The following BRSK2 variants were observed in gnomAD, a reference collection of about 807,000 sequenced individuals.
BRSK2 encodes serine/threonine-protein kinase BRSK2.
In BRSK2, 19 loss-of-function variants were observed where a neutral mutation model predicts 83.3. The observed-to-expected ratio is 0.23, with a 90% CI of 0.16 to 0.33. The LOEUF (loss-of-function observed/expected upper bound fraction) is 0.33, where lower values mean the gene tolerates loss of function less well. Among genes scored for constraint, BRSK2 ranks in the 10% least tolerant of loss-of-function variants. The probability of loss-of-function intolerance (pLI) is 1.00; values close to 1 mark genes in which losing one functional copy is unlikely to be tolerated. For synonymous variants in BRSK2, 519 were observed against 435.4 expected, an observed-to-expected ratio of 1.19 and a Z score of -2.39; for missense variants, 798 against 1,042.3, an observed-to-expected ratio of 0.77 and a Z score of 3.23.
intron 18 of BRSK2, 114 bp downstream of exon 18, chr11:1,456,801 C>G (rs528990107): frequency 1.5e-6 from 2 of 1,317,472 alleles, no homozygotes; most frequent in South Asian, 1.3e-5. Flanking sequence ...CCCCTCTTGA[C>G]GGACGCCCCC....
chr11:1,450,633 A>G lies in BRSK2; in HGVS notation c.1334A>G (p.Lys445Arg). The G allele has an allele frequency of 6.2e-7, 1 of 1,603,356 alleles. No homozygotes were observed. Among genetic ancestry groups the G allele is most frequent in the Non-Finnish European group, 8.5e-7 (1 of 1,176,592 alleles). ...SPRGSPLPTPKGTPVHTPKES... is the reference protein window; with the variant it reads ...SPRGSPLPTPRGTPVHTPKES... ...AGGGGCAGTCCCCTCCCCACCCCCA[A>G]GGGGACACCTGTCCACACGCCAAAG... The change falls in exon 14 of 20, where the codon AAG becomes AGG. Residue 445 changes from lysine to arginine, a missense_variant. Lys to Arg is a conservative substitution (Grantham distance 26, BLOSUM62 2). Coordinates refer to ENST00000528841, the MANE Select transcript of BRSK2 (RefSeq NM_001256627.2).
intron 12 of BRSK2, 30 bp downstream of exon 12, chr11:1,445,937 C>G (rs754681570): frequency 1.9e-6 from 3 of 1,580,608 alleles, no homozygotes; most frequent in Non-Finnish European, 2.6e-6. Context: ...GCTGGGCCTC[C>G]CTCCCTGGGC....
chr11:1,443,302 GC>G (rs759503546), intron 6 of BRSK2, 32 bp from the exon 7 acceptor site: 11 of 1,586,302 alleles, frequency 6.9e-6, no homozygotes, highest in Admixed American at 3.5e-5. Flanking sequence ...CCTGCCCTGC[GC>G]CCCCCAACAG....
At chr11:1,404,772 A>G (rs60805736) in intron 1 of BRSK2, among the ~76,000 whole-genome samples, 4,935 of 152,226 alleles carry the variant, frequency 0.032, 202 homozygotes, top group African/African-American at 0.099. Flanking sequence ...CCCACTGCCC[A>G]CTAAGCAGCT....
At chr11:1,460,464 T>G in intron 19 of BRSK2, 36 bp from the exon 20 acceptor site, 1 of 325,332 alleles carries the variant, frequency 3.1e-6, no homozygotes, top group Non-Finnish European at 3.8e-6. Context: ...TTTTTTCCTT[T>G]TTTTTTTTTT....
chr11:1,455,112 T>C (rs1846325295), intron 16 of BRSK2, among the ~76,000 whole-genome samples: 3 of 152,120 alleles, frequency 2.0e-5, no homozygotes, highest in Non-Finnish European at 4.4e-5. Context: ...GTGGTCGCGC[T>C]CGGGGTCTTG....
intron 12 of BRSK2, among the ~76,000 whole-genome samples, chr11:1,447,112 G>A (rs1369964808): frequency 6.6e-6 from 1 of 152,004 alleles, no homozygotes; most frequent in Non-Finnish European, 1.5e-5. Flanking sequence ...TCCAACGTGG[G>A]GTCCCAGCCC....
At chr11:1,400,624 G>A (rs977593690) in intron 1 of BRSK2, among the ~76,000 whole-genome samples, 2 of 152,074 alleles carry the variant, frequency 1.3e-5, no homozygotes, top group African/African-American at 2.4e-5. Context: ...ATGCTGGAAC[G>A]TTCACTGTGT....
Position 1,445,761 on chromosome 11 carries a change from T to C in BRSK2, c.1080T>C (p.Pro360=), listed in dbSNP as rs777907470. 1.2e-6 allele frequency: 2 copies of C among 1,611,542 alleles called. No homozygotes were observed. Among genetic ancestry groups the C allele is most frequent in the Non-Finnish European group, 1.7e-6 (2 of 1,179,048 alleles). Residue 360 remains proline (P), a synonymous_variant, in exon 12 of 20, where the codon CCT becomes CCC. Transcript: ENST00000528841. The part of the protein sequence containing the change: ...EDLPPRNEID[P]PRKRVDSPML... Reference sequence around the variant, plus strand: ...CTGACCTTCGTCTGTACTCAGACCCTCCCCGGAAGCGTGTGGACTCCCCGA... The same window carrying C: ...CTGACCTTCGTCTGTACTCAGACCCCCCCCGGAAGCGTGTGGACTCCCCGA...
Position 1,445,375 on chromosome 11 carries a change from C to G in BRSK2, c.894C>G (p.Ile298Met). 1.2e-6 allele frequency: 2 copies of G among 1,611,806 alleles called. No homozygotes were observed. The highest frequency in any genetic ancestry group is 1.7e-6 in the Non-Finnish European group (2 of 1,179,584). ...QIRSLPSLED[I>M]DPDVLDSMHS... ...GCTCGCTGCCCAGCCTGGAGGACAT[C>G]GACCCCGACGTGCTGGACAGCATGC... The change falls in exon 10 of 20, where the codon ATC becomes ATG. Residue 298 changes from isoleucine to methionine, a missense_variant. Physicochemically the swap from Ile to Met is conservative, Grantham distance 10. Coordinates refer to ENST00000528841, the MANE Select transcript of BRSK2 (RefSeq NM_001256627.2).
At position 1,462,206 on chromosome 11, in the gene BRSK2, C is replaced by T. The variant is rs895666692; in HGVS notation, c.*1483C>T. Reference sequence around the variant, plus strand: ...CAGAGGGCTGCAGGCCCACCCTGCCCAGTGCCCGCCGCCGTGCTTCACCCC... The same window carrying T: ...CAGAGGGCTGCAGGCCCACCCTGCCTAGTGCCCGCCGCCGTGCTTCACCCC... On this transcript the variant is annotated 3_prime_UTR_variant, in exon 20 of 20. Transcript: ENST00000528841. 1.3e-5 allele frequency: 2 copies of T among 152,402 alleles called. No individual in the cohort carries two copies. Among genetic ancestry groups the T allele is most frequent in the African/African-American group, 4.8e-5 (2 of 41,474 alleles). 9.4% of individuals were successfully genotyped at this position (152,402 alleles called of 1,614,324 possible). A position where few individuals can be genotyped will look rare whatever the true frequency, so the allele number is the denominator to read the frequency against.
At chr11:1,450,521 C>T (rs2272424) in intron 13 of BRSK2, 66 bp from the exon 14 acceptor site, 173,610 of 763,696 alleles carry the variant, frequency 0.23, 22,569 homozygotes, top group East Asian at 0.46. Flanking sequence ...GCCTGCCCTG[C>T]GGGTGCCCCC....
intron 1 of BRSK2, chr11:1,411,382 T>C: frequency 6.9e-7 from 1 of 1,455,568 alleles, no homozygotes; most frequent in Non-Finnish European, 9.0e-7. Flanking sequence ...GGAGGGAGCC[T>C]GGTAGGGCAC....
intron 1 of BRSK2, among the ~76,000 whole-genome samples, chr11:1,426,095 G>A (rs1287349198): frequency 6.6e-6 from 1 of 152,242 alleles, no homozygotes; most frequent in Non-Finnish European, 1.5e-5. Flanking sequence ...ATTCAGGAAA[G>A]CAAACACCAG....
At chr11:1,406,312 C>T (rs765292661) in intron 1 of BRSK2, among the ~76,000 whole-genome samples, 2 of 152,126 alleles carry the variant, frequency 1.3e-5, no homozygotes, top group African/African-American at 4.8e-5. Context: ...AAATACAAAA[C>T]AAAACAAAAA....
intron 1 of BRSK2, among the ~76,000 whole-genome samples, chr11:1,428,900 G>A (rs545854185): frequency 6.6e-6 from 1 of 150,740 alleles, no homozygotes; most frequent in East Asian, 2.0e-4. Flanking sequence ...CTGGGGGTGT[G>A]CACTGGGTGC....
At chr11:1,422,143 C>T (rs1848693877) in intron 1 of BRSK2, among the ~76,000 whole-genome samples, 1 of 152,208 alleles carries the variant, frequency 6.6e-6, no homozygotes, top group Non-Finnish European at 1.5e-5. Flanking sequence ...CCAGCCCCAG[C>T]TGTGGGCCCC....
intron 1 of BRSK2, chr11:1,411,059 T>G: frequency 9.1e-7 from 1 of 1,095,180 alleles, no homozygotes. Context: ...CAGATGGAGA[T>G]TTGGCAGGAA....
intron 18 of BRSK2, among the ~76,000 whole-genome samples, chr11:1,458,767 T>G (rs1438514794): frequency 6.6e-6 from 1 of 152,084 alleles, no homozygotes; most frequent in East Asian, 1.9e-4. Context: ...AGGAAGAGGG[T>G]GCCTGCCTTG....
Sources: allele counts gnomAD v4.1 joint callset (sites outside exome capture counted in the v4.1 genomes callset), GRCh38; gene constraint gnomAD v4.1.1; transcripts MANE v1.5; gene names NCBI Gene and HGNC (gene_info 2026-07-23, HGNC 2026-07-21).